APC: variants seen among roughly 807,000 people sequenced by gnomAD.
APC encodes the protein APC regulator of Wnt signaling pathway.
APC carries 72 observed loss-of-function variants against 247.0 expected under a neutral mutation model. That is an observed-to-expected ratio of 0.29 (90% confidence interval 0.24 to 0.35). The LOEUF (loss-of-function observed/expected upper bound fraction) is 0.35, where lower values mean the gene tolerates loss of function less well. Among genes scored for constraint, APC ranks in the 10% least tolerant of loss-of-function variants. The pLI, the probability that APC is intolerant of heterozygous loss-of-function variation, is 1.00. For missense variants in APC, 3,400 were observed against 3,360.7 expected, an observed-to-expected ratio of 1.01 and a Z score of -0.29; for synonymous variants, 1,254 against 1,162.5, an observed-to-expected ratio of 1.08 and a Z score of -1.60.
At chr5:112,806,843 G>A (rs1761458924) in intron 8 of APC, among the ~76,000 whole-genome samples, 2 of 152,138 alleles carry the variant, frequency 1.3e-5, no homozygotes, top group African/African-American at 4.8e-5. Context: ...CTCCCAAAGT[G>A]CTACGATTGG....
At chr5:112,810,230 G>A (rs1293686616) in intron 8 of APC, 2 of 446,030 alleles carry the variant, frequency 4.5e-6, no homozygotes, top group Non-Finnish European at 8.9e-6. Flanking sequence ...AGGATCCAGA[G>A]CACATCTAAA....
rs1259394987 is a variant in APC, at chr5:112,754,889, G to A, written c.-2G>A. 6.2e-7 allele frequency: 1 copy of A among 1,613,602 alleles called. No individual in the cohort carries two copies. Among genetic ancestry groups the A allele is most frequent in the South Asian group, 1.1e-5 (1 of 91,054 alleles). ...ACCTTATAGGTCCAAGGGTAGCCAAGGATGGCTGCAGCTTCATATGATCAG... is the reference window on the plus strand; with the variant it reads ...ACCTTATAGGTCCAAGGGTAGCCAAAGATGGCTGCAGCTTCATATGATCAG... On this transcript the variant is annotated 5_prime_UTR_variant, in exon 2 of 16. Transcript: ENST00000257430.
At chr5:112,721,143 G>A (rs1287975605) in intron 1 of APC, among the ~76,000 whole-genome samples, 1 of 152,204 alleles carries the variant, frequency 6.6e-6, no homozygotes, top group Non-Finnish European at 1.5e-5. Flanking sequence ...GCTGGGTGCA[G>A]TGGTTCACAC....
chr5:112,829,159 G>A, intron 14 of APC, 187 bp downstream of exon 14: 2 of 522,998 alleles, frequency 3.8e-6, no homozygotes, highest in Non-Finnish European at 7.0e-6. Flanking sequence ...TCTTTTTTGA[G>A]ATGGGGTCTC....
At chr5:112,762,434 C>T (rs945528376) in intron 2 of APC, among the ~76,000 whole-genome samples, 5 of 152,122 alleles carry the variant, frequency 3.3e-5, no homozygotes, top group Admixed American at 2.6e-4. Flanking sequence ...GGTAACAGCC[C>T]AGATGCCCCT....
In APC at chr5:112,842,144, G is replaced by A. The variant is rs1064794107; in HGVS notation, c.6550G>A (p.Glu2184Lys). 2.5e-6 allele frequency: 4 copies of A among 1,611,804 alleles called. No individual in the cohort carries two copies. The highest frequency in any genetic ancestry group is 3.4e-6 in the Non-Finnish European group (4 of 1,178,736). ...ATTGGAAACTAAAAAGATAGAATCT[G>A]AAAGTAAAGGAATCAAAGGAGGAAA... ...STLETKKIES[E>K]SKGIKGGKKV... Residue 2184 changes from glutamate (E) to lysine (K), a missense_variant, in exon 16 of 16, where the codon GAA (glutamate) becomes AAA (lysine). This residue lies in a region of APC where 1,788 missense variants were observed against 1,649.5 expected (regional missense o/e 1.08). Transcript: ENST00000257430.
intron 2 of APC, among the ~76,000 whole-genome samples, chr5:112,757,654 G>C (rs569849622): frequency 1.3e-5 from 2 of 152,124 alleles, no homozygotes; most frequent in Non-Finnish European, 2.9e-5. Flanking sequence ...TTGTACTCCA[G>C]CCTGGGCAAA....
chr5:112,707,922 AGCTTCCTCGGCTTTGCCCC>A (rs1750621885), intron 1 of APC: 2 of 1,324,832 alleles, frequency 1.5e-6, no homozygotes, highest in South Asian at 2.7e-5. Context: ...CTCCCGGCAA[AGCTTCCTCGGCTTTGCCCC>A]GCCGCTGCTC....
chr5:112,773,600 T>C (rs894883463), intron 4 of APC, among the ~76,000 whole-genome samples: 2 of 152,224 alleles, frequency 1.3e-5, no homozygotes, highest in African/African-American at 4.8e-5. Flanking sequence ...TTATATACTA[T>C]GTTAAGTTAG....
chr5:112,774,444 A>G (rs1278748403), intron 4 of APC, among the ~76,000 whole-genome samples: 4 of 146,190 alleles, frequency 2.7e-5, no homozygotes, highest in Non-Finnish European at 6.0e-5. Context: ...ACCTGTGCCT[A>G]TTTGTGTTCT....
At chr5:112,781,151 G>A (rs372604371) in intron 6 of APC, among the ~76,000 whole-genome samples, 55 of 152,308 alleles carry the variant, frequency 3.6e-4, no homozygotes, top group African/African-American at 7.0e-4. Flanking sequence ...GAGAGACAGA[G>A]TTAGATGGTG....
rs2149964888 is a variant in APC at position 112,842,031 on chromosome 5, C to T, written c.6437C>T (p.Ser2146Leu). The change falls in exon 16 of 16, where the codon TCA (serine) becomes TTA (leucine). Residue 2146 changes from serine to leucine, a missense_variant. Ser to Leu is a moderately radical substitution (Grantham distance 145). Coordinates refer to ENST00000257430, the MANE Select transcript of APC (RefSeq NM_000038.6). ...LSLKSGISLG[S>L]PFHLTPDQEE... ...CTGAAATCAGGAATCTCTCTGGGAT[C>T]ACCATTTCATCTTACACCTGATCAA... The T allele has an allele frequency of 6.2e-7, 1 of 1,613,330 alleles. No homozygotes were observed. Among genetic ancestry groups the T allele is most frequent in the Non-Finnish European group, 8.5e-7 (1 of 1,179,358 alleles).
At chr5:112,825,317 G>T (rs552929748) in intron 11 of APC, among the ~76,000 whole-genome samples, 2 of 152,084 alleles carry the variant, frequency 1.3e-5, no homozygotes, top group South Asian at 4.1e-4. Flanking sequence ...ACTCATAGTC[G>T]ATTTTGTTCA....
Position 112,761,507 on chromosome 5 carries a change from C to T in APC, c.136-4819C>T, listed in dbSNP as rs75614234. Among the ~76,000 whole-genome samples the T allele has an allele frequency of 3.7e-3, 561 of 152,202 alleles. 5 individuals carry two copies. Among genetic ancestry groups the T allele is most frequent in the African/African-American group, 0.013 (539 of 41,546 alleles). The stretch of plus-strand genomic sequence containing the variant: ...TGAAATTAACATTGGATGGGCTTAA[C>T]AGCAGGCTGAACACTGAATTAGTGA... On this transcript the variant is annotated intron_variant, in intron 2 of 15. Coordinates refer to ENST00000257430, the MANE Select transcript of APC (RefSeq NM_000038.6).
chr5:112,735,500 C>CATAT (rs3884086), upstream of APC, among the ~76,000 whole-genome samples: 13,658 of 146,456 alleles, frequency 0.093, 750 homozygotes, highest in African/African-American at 0.15. Flanking sequence ...TTAATGCATA[C>CATAT]ATATATATAT....
chr5:112,740,524 CTTTTTTTTT>C lies in APC; in HGVS notation c.-19+2610_-19+2618del, dbSNP rs11286305. Among the ~76,000 whole-genome samples the C allele has an allele frequency of 2.3e-3, 227 of 99,150 alleles. 4 individuals carry two copies. The highest frequency in any genetic ancestry group is 9.0e-3 in the African/African-American group (221 of 24,582). 65.0% of individuals were successfully genotyped at this position (99,150 alleles called of 152,430 possible). A position where few individuals can be genotyped will look rare whatever the true frequency, so the allele number is the denominator to read the frequency against. On this transcript the variant is annotated intron_variant, in intron 1 of 15. Transcript: ENST00000257430. ...GTTTTTGTTTTTTGTGTTTTTTTTT[CTTTTTTTTT>C]TTTTTTTTTTGAGACAGGGTCTCAC...
intron 1 of APC, among the ~76,000 whole-genome samples, chr5:112,727,071 A>T (rs1351117013): frequency 6.6e-6 from 1 of 151,884 alleles, no homozygotes; most frequent in Non-Finnish European, 1.5e-5. Context: ...GGTTTTTGCC[A>T]TTGAAAGTAA....
At chr5:112,817,399 C>T (rs141986641) in intron 9 of APC, among the ~76,000 whole-genome samples, 1,674 of 152,218 alleles carry the variant, frequency 0.011, 18 homozygotes, top group Non-Finnish European at 0.014. Flanking sequence ...GAGGCTTAAT[C>T]CTGTTTATAC....
chr5:112,795,597 C>G (rs754375092), intron 7 of APC, among the ~76,000 whole-genome samples: 11 of 152,184 alleles, frequency 7.2e-5, no homozygotes, highest in Admixed American at 3.3e-4. Flanking sequence ...CCCTATCACT[C>G]GAGAAATTCC....
Sources: allele counts gnomAD v4.1 joint callset (sites outside exome capture counted in the v4.1 genomes callset), GRCh38; gene constraint gnomAD v4.1.1; regional missense constraint gnomAD v4.1.1; transcripts MANE v1.5; gene names NCBI Gene and HGNC (gene_info 2026-07-23, HGNC 2026-07-21).